The following FBLN7 variants were observed in gnomAD, a reference collection of about 807,000 sequenced individuals.
FBLN7 encodes the protein fibulin 7, also known as fibulin-7.
FBLN7 carries 31 observed loss-of-function variants against 44.0 expected under a neutral mutation model. The observed-to-expected ratio is 0.70, with a 90% CI of 0.53 to 0.95. The LOEUF is 0.95. Ranked by LOEUF, FBLN7 falls within the 40% of genes least tolerant of loss-of-function variation. The pLI, the probability that FBLN7 is intolerant of heterozygous loss-of-function variation, is 0.00. For missense variants in FBLN7, 573 were observed against 618.5 expected, an observed-to-expected ratio of 0.93 and a Z score of 0.78; for synonymous variants, 262 against 253.4, an observed-to-expected ratio of 1.03 and a Z score of -0.32.
the FBLN7 span, chr2:112,212,318 C>A: frequency 2.0e-5 from 3 of 152,252 alleles, no homozygotes; most frequent in Admixed American, 6.5e-5. Flanking sequence ...GATTTCAACA[C>A]ATGAATTTTG....
chr2:112,138,745 C>G lies in FBLN7; in HGVS notation c.75+15C>G. 1 of 1,590,324 alleles carries G rather than the reference C, an allele frequency of 6.3e-7. No homozygotes were observed. Among genetic ancestry groups the G allele is most frequent in the Non-Finnish European group, 8.6e-7 (1 of 1,168,076 alleles). ...GGGCTTCCCAGGTCAGTGTCCCTCCCGCCTCTCTCCAGGCCAGTGTCCCTC... is the reference window on the plus strand; with the variant it reads ...GGGCTTCCCAGGTCAGTGTCCCTCCGGCCTCTCTCCAGGCCAGTGTCCCTC... On this transcript the variant is annotated intron_variant, in intron 1 of 7. Transcript: ENST00000331203.
At chr2:112,209,568 A>G in the FBLN7 span, among the ~76,000 whole-genome samples, 16,767 of 152,244 alleles carry the variant, frequency 0.11, 1,206 homozygotes, top group Non-Finnish European at 0.16. Flanking sequence ...AAGGGGAGAC[A>G]GAGACACAGT....
chr2:112,220,960 G>A, the FBLN7 span, among the ~76,000 whole-genome samples: 1 of 152,102 alleles, frequency 6.6e-6, no homozygotes, highest in South Asian at 2.1e-4. Context: ...GTAGAATTTT[G>A]CAGAGGTTCT....
intron 1 of FBLN7, among the ~76,000 whole-genome samples, chr2:112,157,898 G>C (rs1681517219): frequency 1.4e-5 from 2 of 143,152 alleles, no homozygotes; most frequent in African/African-American, 5.3e-5. Context: ...CTGGTTCTTT[G>C]GTTCTTTTTT....
Position 112,165,422 on chromosome 2 carries a change from CAG to C in FBLN7, c.406+254_406+255del, listed in dbSNP as rs565850309. The stretch of plus-strand genomic sequence containing the variant: ...TTGCATATGGGGAAACTGAGGCACA[CAG>C]AGGTTCAAGAACTTGCCTAAGGTTA... On this transcript the variant is annotated intron_variant, in intron 3 of 7. Transcript: ENST00000331203. Among the ~76,000 whole-genome samples, 31 of 152,288 alleles carry C rather than the reference CAG, an allele frequency of 2.0e-4. 1 individual carries two copies. In the South Asian group the frequency reaches 5.8e-3, roughly 29 times the overall value.
chr2:112,227,952 A>G, the FBLN7 span, among the ~76,000 whole-genome samples: 2 of 152,252 alleles, frequency 1.3e-5, no homozygotes, highest in African/African-American at 4.8e-5. Flanking sequence ...CTTAAAACTT[A>G]TATGGAAAAG....
At chr2:112,232,098 C>T in the FBLN7 span, among the ~76,000 whole-genome samples, 1 of 152,030 alleles carries the variant, frequency 6.6e-6, no homozygotes, top group Non-Finnish European at 1.5e-5. Flanking sequence ...TCACTTGAGG[C>T]CAGGAGTTCA....
the FBLN7 span, chr2:112,240,394 A>G: frequency 6.6e-6 from 1 of 152,226 alleles, no homozygotes; most frequent in East Asian, 1.9e-4. Context: ...AATTTTATTT[A>G]GTAGGCATGG....
the FBLN7 span, among the ~76,000 whole-genome samples, chr2:112,209,400 A>C: frequency 6.6e-6 from 1 of 152,074 alleles, no homozygotes; most frequent in African/African-American, 2.4e-5. Context: ...CCTGGGAAAA[A>C]CTCAACCATT....
chr2:112,178,909 TCTC>T (rs1682854942), intron 4 of FBLN7, among the ~76,000 whole-genome samples: 1 of 46,668 alleles, frequency 2.1e-5, no homozygotes, highest in African/African-American at 1.2e-4. Context: ...GAATGGGCAT[TCTC>T]CTTGAAAACT....
At position 112,165,116 on chromosome 2, in the gene FBLN7, C is replaced by T; in HGVS notation, c.351C>T (p.Ser117=). ...CNPGFRLVGP[S]SVVCLPNGTW... ...CTGGGTTCCGGCTGGTCGGGCCCAG[C>T]AGCGTGGTGTGTCTTCCCAATGGCA... The change falls in exon 3 of 8, where the codon AGC becomes AGT. Residue 117 remains serine, a synonymous_variant. Transcript: ENST00000331203. 1 of 1,614,228 alleles carries T rather than the reference C, an allele frequency of 6.2e-7. No individual in the cohort carries two copies. The highest frequency in any genetic ancestry group is 8.5e-7 in the Non-Finnish European group (1 of 1,180,032).
In FBLN7 at chr2:112,187,557, C is replaced by G; in HGVS notation, c.*51C>G. 2 of 1,585,604 alleles carry G rather than the reference C, an allele frequency of 1.3e-6. No individual in the cohort carries two copies. The highest frequency in any genetic ancestry group is 8.6e-7 in the Non-Finnish European group (1 of 1,163,072). On this transcript the variant is annotated 3_prime_UTR_variant, in exon 8 of 8. Coordinates refer to ENST00000331203, the MANE Select transcript of FBLN7 (RefSeq NM_153214.3). This position sits in a 1 kb window ranked among gnomAD's most constrained non-coding sequence, Gnocchi z 5.1. ...GAGAGCTGACCTCATTTCTCTTCCC[C>G]GAAGGCTCAGCTTCGGGCACCGACT...
chr2:112,193,464 A>G, the FBLN7 span, among the ~76,000 whole-genome samples: 1 of 152,208 alleles, frequency 6.6e-6, no homozygotes, highest in Non-Finnish European at 1.5e-5. Context: ...ATGGCATAGT[A>G]TATGAAGAGA....
chr2:112,156,361 C>T (rs1213213860), intron 1 of FBLN7, among the ~76,000 whole-genome samples: 1 of 152,160 alleles, frequency 6.6e-6, no homozygotes, highest in Non-Finnish European at 1.5e-5. Flanking sequence ...TTTCAGCCTC[C>T]ATATCTTTCT....
intron 3 of FBLN7, 66 bp downstream of exon 3, chr2:112,165,237 A>G: frequency 6.5e-7 from 1 of 1,538,196 alleles, no homozygotes; most frequent in South Asian, 1.2e-5. Flanking sequence ...TTTCTTGCAT[A>G]GAAAGGGTCA....
At chr2:112,206,971 G>A in the FBLN7 span, among the ~76,000 whole-genome samples, 1 of 151,016 alleles carries the variant, frequency 6.6e-6, no homozygotes, top group African/African-American at 2.4e-5. Context: ...GGGCTTAAGT[G>A]ATCCTTTTGC....
At chr2:112,212,965 CTTTTTTTTTTTT>C in the FBLN7 span, 1 of 84,918 alleles carries the variant, frequency 1.2e-5, no homozygotes, top group Non-Finnish European at 2.3e-5. Context: ...AGAAGAAATG[CTTTTTTTTTTTT>C]TTTTTTTTTT....
intron 5 of FBLN7, 52 bp downstream of exon 5, chr2:112,181,928 G>T: frequency 6.6e-7 from 1 of 1,509,994 alleles, no homozygotes; most frequent in Non-Finnish European, 8.8e-7. Flanking sequence ...AGGACATGGG[G>T]CGGGGAAGGG....
chr2:112,159,671 C>T lies in FBLN7; in HGVS notation c.76-5C>T, dbSNP rs758588808. On this transcript the variant is annotated splice_region_variant and splice_polypyrimidine_tract_variant and intron_variant, in intron 1 of 7. Transcript: ENST00000331203. ...GGTGGTGGCGGCGATGTCTTCTCTC[C>T]GCAGAACTGTCTCAGCAAACAGCAG... 3 of 1,541,366 alleles carry T rather than the reference C, an allele frequency of 1.9e-6. No homozygotes were observed. Among genetic ancestry groups the T allele is most frequent in the East Asian group, 5.1e-5 (2 of 39,496 alleles).
Sources: gnomAD v4.1 joint callset for allele counts (sites outside exome capture counted in the v4.1 genomes callset) on GRCh38, gnomAD v4.1.1 for gene constraint, Gnocchi (gnomAD v3.1) non-coding constraint, MANE v1.5 for transcripts, NCBI Gene and HGNC (gene_info 2026-07-23, HGNC 2026-07-21) for gene names.